TOR1AIP1: variants seen among roughly 807,000 people sequenced by gnomAD.
TOR1AIP1 encodes torsin 1A interacting protein 1, also known as torsin-1A-interacting protein 1.
Under a neutral mutation model 63.3 loss-of-function variants are expected in TOR1AIP1, and 54 were observed. The observed-to-expected ratio is 0.85, with a 90% CI of 0.69 to 1.07. The LOEUF (loss-of-function observed/expected upper bound fraction) is 1.07. Ranked by LOEUF, TOR1AIP1 falls within the 50% of genes least tolerant of loss-of-function variation. TOR1AIP1 has a pLI of 0.00. For synonymous variants in TOR1AIP1, 294 were observed against 273.5 expected (o/e 1.07, Z -0.74); for missense variants, 736 against 715.0 (o/e 1.03, Z -0.33).
rs1447055455 is a variant in TOR1AIP1 at position 179,918,308 on chromosome 1, A to G, written c.*69A>G. 7.0e-7 allele frequency: 1 copy of G among 1,434,270 alleles called. No individual in the cohort carries two copies. Among genetic ancestry groups the G allele is most frequent in the Non-Finnish European group, 9.3e-7 (1 of 1,075,552 alleles). The allele number at this position is 1,434,270 out of a possible 1,614,324, so 88.8% of individuals were successfully genotyped here. A position where few individuals can be genotyped will look rare whatever the true frequency, so the allele number is the denominator to read the frequency against. ...GTTCACACTTTCTAACCAGAGACAG[A>G]ATTCAGAGCTCTTTTTGAAAGAACT... On this transcript the variant is annotated 3_prime_UTR_variant, in exon 10 of 10. Transcript: ENST00000606911.
intron 3 of TOR1AIP1, among the ~76,000 whole-genome samples, chr1:179,892,880 A>G (rs1007162605): frequency 5.9e-5 from 9 of 152,064 alleles, no homozygotes; most frequent in Non-Finnish European, 1.0e-4. Context: ...ATTTAAATTC[A>G]TTTTTTTGTG....
chr1:179,914,704 G>C (rs1050497617), intron 9 of TOR1AIP1, among the ~76,000 whole-genome samples: 2 of 151,426 alleles, frequency 1.3e-5, no homozygotes, highest in Non-Finnish European at 2.9e-5. Context: ...TGAGGCAGGA[G>C]AATCACTTGA....
rs575390430 is a variant in TOR1AIP1 at position 179,889,358 on chromosome 1, A to G, written c.599A>G (p.Tyr200Cys). ...AGGTTACGTCGACCCCCTCTAAGATACCCAAGATATGGTAAGAGATTGTTT... is the reference window on the plus strand; with the variant it reads ...AGGTTACGTCGACCCCCTCTAAGATGCCCAAGATATGGTAAGAGATTGTTT... ...VIRLRRPPLR[Y>C]PRYEATSVQQ... Residue 200 changes from tyrosine (Y) to cysteine (C), a missense_variant, in exon 3 of 10, where the codon TAC (tyrosine) becomes TGC (cysteine). Tyr to Cys is a radical substitution (Grantham distance 194). This residue lies in a region of TOR1AIP1 where 464 missense variants were observed against 371.0 expected (regional missense o/e 1.25). Coordinates refer to ENST00000606911, the MANE Select transcript of TOR1AIP1 (RefSeq NM_015602.4). 3 of 1,606,940 alleles carry G rather than the reference A, an allele frequency of 1.9e-6. No homozygotes were observed. The highest frequency in any genetic ancestry group is 1.1e-5 in the South Asian group (1 of 90,232).
intron 3 of TOR1AIP1, among the ~76,000 whole-genome samples, chr1:179,893,049 C>T (rs1558040549): frequency 6.6e-6 from 1 of 151,930 alleles, no homozygotes; most frequent in African/African-American, 2.4e-5. Context: ...GAGACCAGCC[C>T]GGCCAACATA....
chr1:179,916,052 G>A (rs958319310), intron 9 of TOR1AIP1, among the ~76,000 whole-genome samples: 2 of 152,168 alleles, frequency 1.3e-5, no homozygotes, highest in African/African-American at 4.8e-5. Flanking sequence ...AAAGAATATT[G>A]ACATATGTAC....
intron 3 of TOR1AIP1, among the ~76,000 whole-genome samples, chr1:179,899,026 A>G (rs541790905): frequency 6.6e-6 from 1 of 152,302 alleles, no homozygotes; most frequent in African/African-American, 2.4e-5. Context: ...TAATCTAATT[A>G]AATGGATTTA....
At chr1:179,912,483 G>A (rs749916555) in intron 8 of TOR1AIP1, among the ~76,000 whole-genome samples, 2 of 151,924 alleles carry the variant, frequency 1.3e-5, no homozygotes, top group Admixed American at 6.6e-5. Context: ...TATTATATAT[G>A]GTACATAATT....
intron 8 of TOR1AIP1, among the ~76,000 whole-genome samples, chr1:179,911,838 G>C (rs1648842102): frequency 6.6e-6 from 1 of 152,028 alleles, no homozygotes; most frequent in Admixed American, 6.6e-5. Context: ...ATAATTATCA[G>C]GGCTTATTTA....
chr1:179,883,662 A>C, intron 1 of TOR1AIP1: 1 of 456,282 alleles, frequency 2.2e-6, no homozygotes, highest in Non-Finnish European at 4.4e-6. Flanking sequence ...CGTCACTGTA[A>C]CCTCAAGTAG....
Position 179,908,645 on chromosome 1 carries a change from A to C in TOR1AIP1, c.879A>C (p.Gln293His), listed in dbSNP as rs17279712. 0.06 allele frequency: 96,883 copies of C among 1,612,082 alleles called. 3,475 individuals are homozygous for C. Among genetic ancestry groups the C allele is most frequent in the Non-Finnish European group, 0.064 (75,866 of 1,178,374 alleles). The change falls in exon 8 of 10, where the codon CAA becomes CAC. Residue 293 changes from glutamine to histidine, a missense_variant. This residue lies in a region of TOR1AIP1 where 272 missense variants were observed against 344.1 expected (regional missense o/e 0.79). Transcript: ENST00000606911. ...AAACTCCCCAGGAATGGGCCCCACAAACTGCAAGAATAAGGACCAGGATGC... is the reference window on the plus strand; with the variant it reads ...AAACTCCCCAGGAATGGGCCCCACACACTGCAAGAATAAGGACCAGGATGC... ...YQKTPQEWAP[Q>H]TARIRTRMQN...
intron 3 of TOR1AIP1, among the ~76,000 whole-genome samples, chr1:179,894,244 C>T (rs1648194789): frequency 6.9e-6 from 1 of 145,778 alleles, no homozygotes; most frequent in Admixed American, 6.9e-5. Context: ...GAGCGAGACT[C>T]TGTCTCAAAA....
chr1:179,884,711 A>T lies in TOR1AIP1; in HGVS notation c.495A>T (p.Gln165His). Residue 165 changes from glutamine (Q) to histidine (H), a missense_variant, in exon 2 of 10, where the codon CAA becomes CAT. Around this residue, in one of 2 missense-constraint regions of TOR1AIP1, gnomAD observed 464 missense variants for 371.0 expected, o/e 1.25. Transcript: ENST00000606911. The part of the protein sequence containing the change: ...HSSEEDEASS[Q>H]TDLSQTISKK... ...TTTTAGAGGATGAAGCATCTTCCCA[A>T]ACTGATTTAAGCCAAACGATCTCAA... is the stretch of plus-strand genomic sequence containing the variant. The T allele has an allele frequency of 6.2e-7, 1 of 1,611,440 alleles. No individual in the cohort carries two copies. The highest frequency in any genetic ancestry group is 8.5e-7 in the Non-Finnish European group (1 of 1,179,048).
chr1:179,897,029 AAC>A (rs1346700364), intron 3 of TOR1AIP1, among the ~76,000 whole-genome samples: 3 of 152,232 alleles, frequency 2.0e-5, no homozygotes, highest in South Asian at 2.1e-4. Context: ...TGGATTATAA[AAC>A]ACAAAATAGT....
chr1:179,911,411 T>C (rs963074331), intron 8 of TOR1AIP1, among the ~76,000 whole-genome samples: 8 of 152,242 alleles, frequency 5.3e-5, no homozygotes, highest in Non-Finnish European at 1.0e-4. Flanking sequence ...TTCTACCCCA[T>C]GGAACATTGT....
intron 5 of TOR1AIP1, among the ~76,000 whole-genome samples, chr1:179,903,240 A>G (rs1648521222): frequency 6.6e-6 from 1 of 152,112 alleles, no homozygotes; most frequent in Non-Finnish European, 1.5e-5. Context: ...CTGGGCAGTA[A>G]CGTGAGACTC....
In TOR1AIP1 at chr1:179,900,539, G is replaced by A. The variant is rs148254748; in HGVS notation, c.652+372G>A. On this transcript the variant is annotated intron_variant, in intron 4 of 9. Coordinates refer to ENST00000606911, the MANE Select transcript of TOR1AIP1 (RefSeq NM_015602.4). ...GTGAATGGCCACTGCACTCCAGCCT[G>A]GGCAACCTAGTGAGAGCCCATCTCT... 5.7e-3 allele frequency: 868 copies of A among 152,816 alleles called. 3 individuals are homozygous for A. Among genetic ancestry groups the A allele is most frequent in the South Asian group, 0.017 (82 of 4,766 alleles). The allele number at this position is 152,816 out of a possible 1,614,324, so 9.5% of individuals were successfully genotyped here.
intron 5 of TOR1AIP1, among the ~76,000 whole-genome samples, chr1:179,902,546 C>A (rs1648502026): frequency 6.6e-6 from 1 of 152,144 alleles, no homozygotes; most frequent in Admixed American, 6.5e-5. Flanking sequence ...GGCCACCGTG[C>A]CTGGCATTAT....
chr1:179,912,972 A>G (rs1001928164), intron 8 of TOR1AIP1, among the ~76,000 whole-genome samples: 5 of 152,150 alleles, frequency 3.3e-5, no homozygotes, highest in African/African-American at 1.2e-4. Flanking sequence ...CAATACTGGT[A>G]ATATAGGTCA....
In TOR1AIP1 at chr1:179,907,883, G is replaced by A. The variant is rs1648701716; in HGVS notation, c.838+19G>A. On this transcript the variant is annotated intron_variant, in intron 7 of 9. Transcript: ENST00000606911. ...GTGCTAAGTAAGTAGTTGGTTGTCT[G>A]CTCTTTTTTCAGCCAATCAATTCTT... 1 of 1,450,116 alleles carries A rather than the reference G, an allele frequency of 6.9e-7. No homozygotes were observed. The highest frequency in any genetic ancestry group is 9.3e-7 in the Non-Finnish European group (1 of 1,070,566). The allele number at this position is 1,450,116 out of a possible 1,614,324, so 89.8% of individuals were successfully genotyped here. A position where few individuals can be genotyped will look rare whatever the true frequency, so the allele number is the denominator to read the frequency against.
Sources: gnomAD v4.1 joint callset for allele counts (sites outside exome capture counted in the v4.1 genomes callset) on GRCh38, gnomAD v4.1.1 for gene constraint, gnomAD v4.1.1 regional missense constraint, MANE v1.5 for transcripts, NCBI Gene and HGNC (gene_info 2026-07-23, HGNC 2026-07-21) for gene names.